SYN3: variants seen among roughly 807,000 people sequenced by gnomAD.
SYN3 encodes synapsin-3.
SYN3 carries 35 observed loss-of-function variants against 65.8 expected under a neutral mutation model. That is an observed-to-expected ratio of 0.53 (90% CI 0.41 to 0.70). The LOEUF (loss-of-function observed/expected upper bound fraction) is 0.70, where lower values mean the gene tolerates loss of function less well. Among genes scored for constraint, SYN3 ranks in the 30% least tolerant of loss-of-function variants. The probability of loss-of-function intolerance (pLI) is 0.00; values close to 1 mark genes in which losing one functional copy is unlikely to be tolerated. For synonymous variants in SYN3, 270 were observed against 292.9 expected (o/e 0.92, Z 0.80); for missense variants, 680 against 749.0 (o/e 0.91, Z 1.08).
intron 6 of SYN3, among the ~76,000 whole-genome samples, chr22:32,597,299 T>G (rs2146594035): frequency 7.1e-6 from 1 of 140,808 alleles, no homozygotes; most frequent in East Asian, 2.2e-4. Flanking sequence ...CACTGCAACC[T>G]TTGCCTCCAG....
chr22:32,620,742 CG>C (rs2059582161), intron 6 of SYN3, among the ~76,000 whole-genome samples: 1 of 150,598 alleles, frequency 6.6e-6, no homozygotes, highest in Non-Finnish European at 1.5e-5. Context: ...TTTTTTTAAA[CG>C]GAATCTCACT....
At chr22:32,906,841 C>G (rs191074931) in intron 4 of SYN3, among the ~76,000 whole-genome samples, 4 of 152,292 alleles carry the variant, frequency 2.6e-5, no homozygotes, top group African/African-American at 7.2e-5. Flanking sequence ...ATGAACTCAT[C>G]CTCTTTTATG....
chr22:32,807,580 C>T (rs1047128760), intron 6 of SYN3, among the ~76,000 whole-genome samples: 1 of 149,564 alleles, frequency 6.7e-6, no homozygotes, highest in Non-Finnish European at 1.5e-5. Flanking sequence ...GGGAGGTGTG[C>T]TATTGTCATC....
chr22:32,595,292 G>A lies in SYN3; in HGVS notation c.774+1382C>T, dbSNP rs529173356. Among the ~76,000 whole-genome samples, 221 of 152,272 alleles carry A rather than the reference G, an allele frequency of 1.5e-3. 1 individual carries two copies. The highest frequency in any genetic ancestry group is 4.7e-3 in the African/African-American group (195 of 41,548). On this transcript the variant is annotated intron_variant, in intron 7 of 13. Transcript: ENST00000358763. ...AGGTTGGGTGGCTCACAGCCATTTT[G>A]ACTGTCTGAAGAAAATGCCAAGTAG...
intron 4 of SYN3, among the ~76,000 whole-genome samples, chr22:32,879,115 T>C (rs911744882): frequency 6.6e-6 from 1 of 152,068 alleles, no homozygotes; most frequent in Non-Finnish European, 1.5e-5. Flanking sequence ...TTGAAAACAG[T>C]AAAGTGTTCT....
At chr22:32,733,946 A>G (rs3788494) in intron 6 of SYN3, among the ~76,000 whole-genome samples, 71,029 of 139,606 alleles carry the variant, frequency 0.51, 17,108 homozygotes, top group African/African-American at 0.64. Context: ...CCAAGGACTG[A>G]CAATTATTCA....
At chr22:32,999,344 G>A (rs996799490) in intron 2 of SYN3, among the ~76,000 whole-genome samples, 3 of 152,134 alleles carry the variant, frequency 2.0e-5, no homozygotes, top group Non-Finnish European at 2.9e-5. Context: ...GTACTAAGGC[G>A]GAAAGGTGTG....
At chr22:32,790,600 T>A (rs1433946055) in intron 6 of SYN3, among the ~76,000 whole-genome samples, 1 of 152,056 alleles carries the variant, frequency 6.6e-6, no homozygotes, top group Non-Finnish European at 1.5e-5. Flanking sequence ...TAATTTTTTG[T>A]ATTTTTAGTA....
intron 6 of SYN3, among the ~76,000 whole-genome samples, chr22:32,785,161 G>T (rs2046161608): frequency 6.6e-6 from 1 of 152,036 alleles, no homozygotes; most frequent in South Asian, 2.1e-4. Context: ...AGAGGGGTCA[G>T]TCGGTGCAGC....
intron 3 of SYN3, among the ~76,000 whole-genome samples, chr22:32,952,576 T>C (rs1421470786): frequency 1.3e-5 from 2 of 151,920 alleles, no homozygotes; most frequent in African/African-American, 4.8e-5. Flanking sequence ...GAAAACATAG[T>C]GAGACCCTGT....
chr22:32,538,119 G>A lies in SYN3; in HGVS notation c.918-9C>T. The A allele has an allele frequency of 6.2e-7, 1 of 1,613,914 alleles. No homozygotes were observed. Among genetic ancestry groups the A allele is most frequent in the East Asian group, 2.2e-5 (1 of 44,884 alleles). On this transcript the variant is annotated splice_polypyrimidine_tract_variant and intron_variant, in intron 8 of 13. Transcript: ENST00000358763. Reference sequence around the variant, plus strand: ...CAGAGATGGAGGTTCTCCTGTACCAGAACAAACAACACATTGAGGGAATTA... The same window carrying A: ...CAGAGATGGAGGTTCTCCTGTACCAAAACAAACAACACATTGAGGGAATTA...
rs865921152 is a variant in SYN3 at position 32,680,309 on chromosome 22, C to T, written c.712-83573G>A. Among the ~76,000 whole-genome samples, 846 of 152,262 alleles carry T rather than the reference C, an allele frequency of 5.6e-3. 12 individuals are homozygous for T. Among genetic ancestry groups the T allele is most frequent in the African/African-American group, 0.019 (801 of 41,530 alleles). On this transcript the variant is annotated intron_variant, in intron 6 of 13. Transcript: ENST00000358763. ...ATGGCAGAATTATGCACTCCCTTCT[C>T]TGTGCTCCCATACCCTTTGCCTCTG...
chr22:32,959,057 G>C (rs2051559210), intron 3 of SYN3, among the ~76,000 whole-genome samples: 1 of 152,084 alleles, frequency 6.6e-6, no homozygotes, highest in Non-Finnish European at 1.5e-5. Context: ...GTAGGGTGTT[G>C]ATATGGGTTG....
chr22:33,051,253 A>G (rs2054160420), intron 1 of SYN3, among the ~76,000 whole-genome samples: 1 of 152,338 alleles, frequency 6.6e-6, no homozygotes, highest in Non-Finnish European at 1.5e-5. Flanking sequence ...TTGAGAACCC[A>G]TCACTTATAA....
At chr22:32,595,744 T>C (rs1442954504) in intron 7 of SYN3, among the ~76,000 whole-genome samples, 1 of 152,134 alleles carries the variant, frequency 6.6e-6, no homozygotes, top group Non-Finnish European at 1.5e-5. Flanking sequence ...GTTCTTGTAA[T>C]AGTGAGTGAG....
intron 4 of SYN3, among the ~76,000 whole-genome samples, chr22:32,886,766 A>G (rs1211549697): frequency 2.6e-5 from 4 of 152,152 alleles, no homozygotes; most frequent in African/African-American, 9.7e-5. Flanking sequence ...CTAGAATTTC[A>G]TGTCAGTGGA....
At chr22:32,579,927 A>G (rs75195445) in intron 7 of SYN3, among the ~76,000 whole-genome samples, 3,583 of 152,340 alleles carry the variant, frequency 0.024, 66 homozygotes, top group Middle Eastern at 0.054. Context: ...ATGTTTATAG[A>G]GTTACAGTGT....
intron 2 of SYN3, among the ~76,000 whole-genome samples, chr22:32,996,814 C>A (rs1238061873): frequency 3.3e-5 from 5 of 152,160 alleles, no homozygotes; most frequent in African/African-American, 9.7e-5. Context: ...CCCTGGGCAC[C>A]CTTTAAGCTC....
At chr22:32,561,845 G>A (rs142873302) in intron 7 of SYN3, among the ~76,000 whole-genome samples, 4,651 of 152,342 alleles carry the variant, frequency 0.031, 92 homozygotes, top group Middle Eastern at 0.061. Flanking sequence ...AAGGCTTGGG[G>A]GAGGCAAATC....
Sources: allele counts gnomAD v4.1 joint callset (sites outside exome capture counted in the v4.1 genomes callset), GRCh38; gene constraint gnomAD v4.1.1; transcripts MANE v1.5; gene names NCBI Gene and HGNC (gene_info 2026-07-23, HGNC 2026-07-21).